FBXO36: variants seen among roughly 807,000 people sequenced by gnomAD.
The protein encoded by FBXO36 is F-box only protein 36.
A neutral mutation model predicts 17.0 loss-of-function variants in FBXO36; 18 were observed. The ratio of observed to expected loss-of-function variants is 1.06; its 90% CI spans 0.73 to 1.57. The LOEUF (loss-of-function observed/expected upper bound fraction) is 1.57. Among genes scored for constraint, FBXO36 ranks in the 40% most tolerant of loss-of-function variants. FBXO36 has a pLI of 0.00. For synonymous variants in FBXO36, 83 were observed against 85.3 expected, an observed-to-expected ratio of 0.97 and a Z score of 0.15; for missense variants, 229 against 221.9, an observed-to-expected ratio of 1.03 and a Z score of -0.20.
intron 2 of FBXO36, among the ~76,000 whole-genome samples, chr2:229,979,641 G>A (rs2077227850): frequency 6.6e-6 from 1 of 151,698 alleles, no homozygotes; most frequent in South Asian, 2.1e-4. Context: ...TTAGCCGGGT[G>A]TGGTTGTGCA....
rs1223670808 is a variant in FBXO36 at position 229,986,533 on chromosome 2, A to AT, written c.206-10200dup. ...TAAGTAAAATAAAATAAACATAAAA[A>AT]TTTTTTTTTTTTTTTTTTGGAGACA... On this transcript the variant is annotated intron_variant, in intron 2 of 3. Transcript: ENST00000283946. 1.7e-3 allele frequency among the ~76,000 whole-genome samples: 241 copies of AT among 140,366 alleles called. 1 individual carries two copies. The highest frequency in any genetic ancestry group is 2.4e-3 in the Admixed American group (34 of 13,908). 92.1% of individuals were successfully genotyped at this position (140,366 alleles called of 152,430 possible).
chr2:229,979,270 G>A (rs1182934870), intron 2 of FBXO36, among the ~76,000 whole-genome samples: 13 of 151,848 alleles, frequency 8.6e-5, no homozygotes, highest in Non-Finnish European at 1.5e-5. Flanking sequence ...GGCTGAAGTG[G>A]GAGGATTTCT....
intron 1 of FBXO36, among the ~76,000 whole-genome samples, chr2:229,963,417 T>G (rs2077134396): frequency 6.7e-6 from 1 of 150,288 alleles, no homozygotes; most frequent in African/African-American, 2.4e-5. Flanking sequence ...AAGAAACTTA[T>G]ACATGTATCC....
At chr2:230,009,889 T>A (rs2077406353) in intron 3 of FBXO36, among the ~76,000 whole-genome samples, 1 of 151,924 alleles carries the variant, frequency 6.6e-6, no homozygotes, top group East Asian at 1.9e-4. Flanking sequence ...GAGGTTGCAG[T>A]GAGCCGAGAT....
intron 2 of FBXO36, among the ~76,000 whole-genome samples, chr2:229,988,595 C>T (rs746262922): frequency 2.6e-5 from 4 of 151,956 alleles, no homozygotes; most frequent in African/African-American, 7.3e-5. Flanking sequence ...AGTGCAGTGG[C>T]GCGATTTCAG....
rs773476398 is a variant in FBXO36 at position 229,922,534 on chromosome 2, G to A, written c.21G>A (p.Glu7=). 3.7e-6 allele frequency: 6 copies of A among 1,613,946 alleles called. No individual in the cohort carries two copies. Among genetic ancestry groups the A allele is most frequent in the Non-Finnish European group, 2.5e-6 (3 of 1,179,996 alleles). MASWLP[E]TLFETVGQGP... The stretch of plus-strand genomic sequence containing the variant: ...CCAAGATGGCGTCGTGGCTGCCGGA[G>A]ACTCTCTTTGAAACTGTAGGACAAG... Residue 7 remains glutamate (E), a synonymous_variant, in exon 1 of 4, where the codon GAG becomes GAA. Transcript: ENST00000283946.
chr2:229,944,592 C>CTTTTTT (rs58905595), intron 1 of FBXO36, among the ~76,000 whole-genome samples: 4 of 88,410 alleles, frequency 4.5e-5, no homozygotes, highest in East Asian at 3.1e-4. Flanking sequence ...TTTTCTTTTT[C>CTTTTTT]TTTTTTTTTT....
At chr2:229,949,076 G>T (rs1243644414) in intron 1 of FBXO36, among the ~76,000 whole-genome samples, 1 of 152,060 alleles carries the variant, frequency 6.6e-6, no homozygotes, top group Non-Finnish European at 1.5e-5. Flanking sequence ...CTCGTGATCC[G>T]CCCGCCTTGG....
intron 1 of FBXO36, among the ~76,000 whole-genome samples, chr2:229,925,109 TATTTA>T (rs2076904227): frequency 6.6e-6 from 1 of 151,402 alleles, no homozygotes; most frequent in African/African-American, 2.4e-5. Context: ...TTATTTTTAT[TATTTA>T]TTTATTTATT....
At chr2:229,989,809 G>C (rs191244617) in intron 2 of FBXO36, among the ~76,000 whole-genome samples, 164 of 148,620 alleles carry the variant, frequency 1.1e-3, no homozygotes, top group African/African-American at 3.9e-3. Context: ...TTCTGACCTC[G>C]TGATCCACCC....
chr2:229,955,590 A>G (rs1212099083), intron 1 of FBXO36, among the ~76,000 whole-genome samples: 1 of 151,970 alleles, frequency 6.6e-6, no homozygotes, highest in Admixed American at 6.6e-5. Context: ...CTCCCTCATC[A>G]AAGAATGGAA....
Position 230,006,944 on chromosome 2 carries a change from T to A in FBXO36, c.379-3752T>A, listed in dbSNP as rs571366458. On this transcript the variant is annotated intron_variant, in intron 3 of 3. Coordinates refer to ENST00000283946, the MANE Select transcript of FBXO36 (RefSeq NM_174899.5). The stretch of plus-strand genomic sequence containing the variant: ...AGTTGAGGATGGAAGTATCCAGTTA[T>A]ACTTAATGCCACCAGCAATCAGGAT... 3.3e-5 allele frequency among the ~76,000 whole-genome samples: 5 copies of A among 152,370 alleles called. No individual in the cohort carries two copies. The South Asian group carries it at 8.3e-4, about 25-fold the overall frequency.
intron 1 of FBXO36, among the ~76,000 whole-genome samples, chr2:229,953,131 A>G (rs1167131583): frequency 2.0e-5 from 3 of 152,158 alleles, no homozygotes; most frequent in Non-Finnish European, 4.4e-5. Flanking sequence ...TGAGGTCTGG[A>G]GTTCGAGACC....
At chr2:229,941,474 A>G (rs1553803991) in intron 1 of FBXO36, among the ~76,000 whole-genome samples, 2 of 151,932 alleles carry the variant, frequency 1.3e-5, no homozygotes, top group Admixed American at 6.6e-5. Context: ...AACAACAAAA[A>G]AGAAAATGGG....
chr2:229,930,829 C>T (rs927947053), intron 1 of FBXO36, among the ~76,000 whole-genome samples: 9 of 152,156 alleles, frequency 5.9e-5, no homozygotes, highest in Admixed American at 5.9e-4. Context: ...GTGCTGGAGC[C>T]CTCCTCGAGG....
At chr2:229,997,137 A>G (rs1479437198) in intron 3 of FBXO36, among the ~76,000 whole-genome samples, 6 of 152,020 alleles carry the variant, frequency 3.9e-5, no homozygotes, top group Non-Finnish European at 7.4e-5. Flanking sequence ...ATACAGCGTG[A>G]TCAGTTCAAC....
chr2:229,933,919 C>T (rs998443416), intron 1 of FBXO36, among the ~76,000 whole-genome samples: 2 of 152,020 alleles, frequency 1.3e-5, no homozygotes, highest in African/African-American at 2.4e-5. Flanking sequence ...CTCCTGAACT[C>T]AGGTGATCTG....
intron 1 of FBXO36, 121 bp from the exon 2 acceptor site, chr2:229,976,120 C>T (rs1010757898): frequency 3.2e-6 from 2 of 625,328 alleles, no homozygotes; most frequent in Non-Finnish European, 5.5e-6. Flanking sequence ...TGATGCCAGA[C>T]TGCAAAGTTA....
intron 1 of FBXO36, among the ~76,000 whole-genome samples, chr2:229,925,777 CT>C (rs2076909040): frequency 6.6e-6 from 1 of 152,076 alleles, no homozygotes; most frequent in African/African-American, 2.4e-5. Context: ...TAAACATTTT[CT>C]TTGTTTATAT....
Sources: gnomAD v4.1 joint callset for allele counts (sites outside exome capture counted in the v4.1 genomes callset) on GRCh38, gnomAD v4.1.1 for gene constraint, MANE v1.5 for transcripts, NCBI Gene and HGNC (gene_info 2026-07-23, HGNC 2026-07-21) for gene names.